Variants in GALNT17 observed in about 807,000 individuals in gnomAD.
The protein encoded by GALNT17 is UDP-GalNAc:polypeptide N-acetylgalactosaminyltransferase-like 3.
A neutral mutation model predicts 63.7 loss-of-function variants in GALNT17; 29 were observed. The ratio of observed to expected loss-of-function variants is 0.46; its 90% CI spans 0.34 to 0.62. GALNT17 has a LOEUF of 0.62. Among genes scored for constraint, GALNT17 ranks in the 20% least tolerant of loss-of-function variants. The probability of loss-of-function intolerance (pLI) is 0.01; values close to 1 mark genes in which losing one functional copy is unlikely to be tolerated. For synonymous variants in GALNT17, 305 were observed against 318.3 expected, an observed-to-expected ratio of 0.96 and a Z score of 0.45; for missense variants, 603 against 799.6, an observed-to-expected ratio of 0.75 and a Z score of 2.97.
At position 71,133,046 on chromosome 7, in the gene GALNT17, G is replaced by T; in HGVS notation, c.238+6G>T. ...CGTGTACCGGCAGCTGAATGGTAAG[G>T]ACGCACGCCGGCGCCTCCGGGGCTC... On this transcript the variant is annotated splice_donor_region_variant and intron_variant, in intron 1 of 10. Transcript: ENST00000333538. The T allele has an allele frequency of 6.5e-7, 1 of 1,546,472 alleles. No individual in the cohort carries two copies. The highest frequency in any genetic ancestry group is 8.7e-7 in the Non-Finnish European group (1 of 1,149,592).
At chr7:71,279,659 C>T (rs920161144) in intron 1 of GALNT17, among the ~76,000 whole-genome samples, 1 of 151,620 alleles carries the variant, frequency 6.6e-6, no homozygotes, top group Non-Finnish European at 1.5e-5. Context: ...ACCATGCAAC[C>T]ACTGCAAACT....
In GALNT17 at chr7:71,496,881, C is replaced by T. The variant is rs181028725; in HGVS notation, c.963-74404C>T. Among the ~76,000 whole-genome samples the T allele has an allele frequency of 2.3e-3, 344 of 151,908 alleles. 7 individuals are homozygous for T. In the East Asian group the frequency reaches 0.037, roughly 16 times the overall value. On this transcript the variant is annotated intron_variant, in intron 5 of 10. Transcript: ENST00000333538. ...TCGAGGCCAGGAGTCTGAGACCAGC[C>T]TGGGCAAAGTAGCGAGACCATGTCT...
At chr7:71,602,246 T>C (rs1176979785) in intron 6 of GALNT17, among the ~76,000 whole-genome samples, 1 of 152,246 alleles carries the variant, frequency 6.6e-6, no homozygotes, top group Non-Finnish European at 1.5e-5. Flanking sequence ...TGCTATTTTA[T>C]GCCATCTTTT....
chr7:71,680,866 C>CCTTCCTTCCTTCCTTTT (rs1310757978), intron 9 of GALNT17, among the ~76,000 whole-genome samples: 1 of 145,910 alleles, frequency 6.9e-6, no homozygotes, highest in Non-Finnish European at 1.5e-5. Flanking sequence ...TTCTTTCCTT[C>CCTTCCTTCCTTCCTTTT]CTTCCTTCCT....
chr7:71,673,804 T>C (rs1791107045), intron 8 of GALNT17, among the ~76,000 whole-genome samples: 1 of 152,190 alleles, frequency 6.6e-6, no homozygotes, highest in Non-Finnish European at 1.5e-5. Flanking sequence ...GTTTTTGTTT[T>C]TATAGAGGTC....
chr7:71,620,831 A>AT (rs559838305), intron 6 of GALNT17, among the ~76,000 whole-genome samples: 9 of 151,094 alleles, frequency 6.0e-5, no homozygotes, highest in South Asian at 4.2e-4. Flanking sequence ...TCTGGTTGTC[A>AT]TTTTTTTTTC....
Position 71,669,838 on chromosome 7 carries a change from G to A in GALNT17, c.1267-134G>A, listed in dbSNP as rs1019270677. The A allele has an allele frequency of 6.2e-6, 7 of 1,122,206 alleles. No homozygotes were observed. The African/African-American group carries it at 1.1e-4, about 18-fold the overall frequency. 69.5% of individuals were successfully genotyped at this position (1,122,206 alleles called of 1,614,324 possible). On this transcript the variant is annotated intron_variant, in intron 7 of 10. Coordinates refer to ENST00000333538, the MANE Select transcript of GALNT17 (RefSeq NM_022479.3). ...TGCCTCCTAAAGTGCTGGGATTACA[G>A]GCATGAGCCACCGTGCCCAGCCCAG...
At chr7:71,175,003 T>G (rs1379869101) in intron 1 of GALNT17, among the ~76,000 whole-genome samples, 1 of 152,224 alleles carries the variant, frequency 6.6e-6, no homozygotes, top group African/African-American at 2.4e-5. Context: ...CATATTGATA[T>G]CAATGAGCTC....
At chr7:71,549,233 G>T (rs998248128) in intron 5 of GALNT17, among the ~76,000 whole-genome samples, 1 of 152,140 alleles carries the variant, frequency 6.6e-6, no homozygotes, top group Non-Finnish European at 1.5e-5. Flanking sequence ...GACCTATATG[G>T]CTTGAAGAGG....
intron 5 of GALNT17, among the ~76,000 whole-genome samples, chr7:71,528,685 A>G (rs1225733030): frequency 6.6e-6 from 1 of 152,218 alleles, no homozygotes; most frequent in African/African-American, 2.4e-5. Flanking sequence ...TGAAAGTTAC[A>G]TGACCAAAAC....
chr7:71,436,995 G>A (rs1324686207), intron 5 of GALNT17, among the ~76,000 whole-genome samples: 2 of 152,204 alleles, frequency 1.3e-5, no homozygotes, highest in African/African-American at 4.8e-5. Context: ...AGGAAGATGT[G>A]TGAAGAGTCA....
At chr7:71,205,012 C>G (rs1306627450) in intron 1 of GALNT17, among the ~76,000 whole-genome samples, 1 of 152,082 alleles carries the variant, frequency 6.6e-6, no homozygotes, top group Non-Finnish European at 1.5e-5. Context: ...ACCCAAAATG[C>G]TGGGATTACA....
intron 5 of GALNT17, among the ~76,000 whole-genome samples, chr7:71,504,519 T>C (rs1373249741): frequency 6.6e-6 from 1 of 152,216 alleles, no homozygotes; most frequent in East Asian, 1.9e-4. Context: ...GGTTTACTTA[T>C]TTACATATTT....
intron 2 of GALNT17, among the ~76,000 whole-genome samples, chr7:71,361,808 C>CAGAG (rs373972800): frequency 1.4e-5 from 2 of 147,508 alleles, no homozygotes; most frequent in Admixed American, 6.8e-5. Flanking sequence ...GAGAGAGAGA[C>CAGAG]AGAGAGAGAG....
intron 4 of GALNT17, among the ~76,000 whole-genome samples, chr7:71,418,872 C>T (rs2906269): frequency 0.054 from 8,185 of 152,030 alleles, 763 homozygotes; most frequent in African/African-American, 0.19. Context: ...CTGAGGCGGG[C>T]GGATCACCTG....
chr7:71,272,827 G>A (rs1790616960), intron 1 of GALNT17, among the ~76,000 whole-genome samples: 1 of 152,090 alleles, frequency 6.6e-6, no homozygotes, highest in South Asian at 2.1e-4. Flanking sequence ...TACTGCTCTT[G>A]TAACATCCCC....
chr7:71,499,337 T>C (rs1788144301), intron 5 of GALNT17, among the ~76,000 whole-genome samples: 1 of 152,140 alleles, frequency 6.6e-6, no homozygotes, highest in African/African-American at 2.4e-5. Flanking sequence ...GGGAGGATCA[T>C]ATCACTTGAG....
At chr7:71,545,778 A>G (rs1165835517) in intron 5 of GALNT17, among the ~76,000 whole-genome samples, 1 of 152,086 alleles carries the variant, frequency 6.6e-6, no homozygotes, top group Non-Finnish European at 1.5e-5. Flanking sequence ...TTGTTTCCTC[A>G]TGTGTTTATA....
chr7:71,245,532 A>T (rs1012540478), intron 1 of GALNT17, among the ~76,000 whole-genome samples: 6 of 152,162 alleles, frequency 3.9e-5, no homozygotes, highest in Non-Finnish European at 5.9e-5. Context: ...GTGAAAAAAT[A>T]ATGCTTTGCT....
Sources: gnomAD v4.1 joint callset for allele counts (sites outside exome capture counted in the v4.1 genomes callset) on GRCh38, gnomAD v4.1.1 for gene constraint, MANE v1.5 for transcripts, NCBI Gene and HGNC (gene_info 2026-07-23, HGNC 2026-07-21) for gene names.